The following DNAH14 variants were observed in gnomAD, a reference collection of about 807,000 sequenced individuals.
DNAH14 encodes the protein axonemal beta dynein heavy chain 14.
A neutral mutation model predicts 520.9 loss-of-function variants in DNAH14; 478 were observed. The ratio of observed to expected loss-of-function variants is 0.92; its 90% CI spans 0.85 to 0.99. The LOEUF (loss-of-function observed/expected upper bound fraction) is 0.99, where lower values mean the gene tolerates loss of function less well. DNAH14 is among the 50% of genes least tolerant of loss of function. DNAH14 has a pLI of 0.00. For missense variants in DNAH14, 4,831 were observed against 5,234.5 expected, an observed-to-expected ratio of 0.92 and a Z score of 2.38; for synonymous variants, 1,581 against 1,757.2, an observed-to-expected ratio of 0.90 and a Z score of 2.51.
At chr1:225,227,856 C>T (rs2090694647) in intron 41 of DNAH14, among the ~76,000 whole-genome samples, 2 of 152,138 alleles carry the variant, frequency 1.3e-5, no homozygotes, top group Admixed American at 1.3e-4. Context: ...GCCTGATTTG[C>T]ACTACCCATC....
At chr1:225,146,921 T>G (rs2149061343) in intron 30 of DNAH14, among the ~76,000 whole-genome samples, 183 bp from the exon 31 acceptor site, 1 of 152,326 alleles carries the variant, frequency 6.6e-6, no homozygotes, top group East Asian at 1.9e-4. Flanking sequence ...GCAGAGTAGT[T>G]GACTTGTCTA....
Position 225,140,717 on chromosome 1 carries a change from T to A in DNAH14, c.4255-51T>A, listed in dbSNP as rs2079368814. The stretch of plus-strand genomic sequence containing the variant: ...AATTTGAATAAAATTTATGCTTCAA[T>A]TATATATATATAGAGAGAGATATAT... On this transcript the variant is annotated intron_variant, in intron 27 of 85. Transcript: ENST00000682510. The A allele has an allele frequency of 5.6e-6, 7 of 1,249,818 alleles. No homozygotes were observed. The South Asian group carries it at 1.1e-4, about 20-fold the overall frequency. 77.4% of individuals were successfully genotyped at this position (1,249,818 alleles called of 1,614,324 possible).
intron 27 of DNAH14, among the ~76,000 whole-genome samples, chr1:225,130,177 T>C (rs1428968188): frequency 1.3e-5 from 2 of 152,150 alleles, no homozygotes; most frequent in Non-Finnish European, 2.9e-5. Context: ...CAACAGGTGC[T>C]AGAGAGGATG....
At chr1:225,178,585 C>T (rs2083601141) in intron 36 of DNAH14, among the ~76,000 whole-genome samples, 1 of 152,100 alleles carries the variant, frequency 6.6e-6, no homozygotes, top group Admixed American at 6.5e-5. Flanking sequence ...ATGCCTGTAC[C>T]CCCATTTATA....
intron 15 of DNAH14, among the ~76,000 whole-genome samples, chr1:225,048,594 A>G (rs2068183500): frequency 6.6e-6 from 1 of 152,224 alleles, no homozygotes; most frequent in Non-Finnish European, 1.5e-5. Context: ...GTTTGGATGT[A>G]TCGCAGATTG....
At chr1:225,245,681 C>G (rs944892595) in intron 43 of DNAH14, among the ~76,000 whole-genome samples, 1 of 152,016 alleles carries the variant, frequency 6.6e-6, no homozygotes, top group African/African-American at 2.4e-5. Flanking sequence ...ACGTGAAGGA[C>G]CTCTTCAAGG....
intron 66 of DNAH14, 76 bp from the exon 67 acceptor site, chr1:225,337,190 C>A: frequency 8.4e-7 from 1 of 1,188,194 alleles, no homozygotes; most frequent in Non-Finnish European, 1.2e-6. Context: ...TCTGTAGGAT[C>A]TTTTAGTACC....
intron 42 of DNAH14, among the ~76,000 whole-genome samples, chr1:225,235,178 G>A (rs1054738221): frequency 7.2e-5 from 11 of 152,086 alleles, no homozygotes; most frequent in African/African-American, 2.7e-4. Flanking sequence ...ATTGGCTGTG[G>A]GTTTGTTATA....
intron 17 of DNAH14, among the ~76,000 whole-genome samples, chr1:225,064,968 G>A (rs1172761999): frequency 6.6e-6 from 1 of 151,936 alleles, no homozygotes; most frequent in Non-Finnish European, 1.5e-5. Flanking sequence ...CTATTTGAAG[G>A]AAGGTATTAA....
chr1:224,967,326 T>C, intron 5 of DNAH14, 105 bp from the exon 6 acceptor site: 1 of 693,982 alleles, frequency 1.4e-6, no homozygotes, highest in Non-Finnish European at 2.1e-6. Context: ...TTAATCTGTA[T>C]TAAAATTGTT....
rs753646518 is a variant in DNAH14, at chr1:225,043,969, T to C, written c.1898T>C (p.Met633Thr). Residue 633 changes from methionine to threonine, a missense_variant, in exon 15 of 86, where the codon ATG becomes ACG. Transcript: ENST00000682510. ...SVKIQNMLTN[M>T]EKCITTITPL... The stretch of plus-strand genomic sequence containing the variant: ...AAAATTCAAAATATGTTGACTAATA[T>C]GGAAAAATGTATAAGTAAGTGTTTT... The C allele has an allele frequency of 1.5e-5, 22 of 1,487,274 alleles. No homozygotes were observed. The highest frequency in any genetic ancestry group is 1.7e-4 in the Middle Eastern group (1 of 5,856). The allele number at this position is 1,487,274 out of a possible 1,614,324, so 92.1% of individuals were successfully genotyped here.
intron 8 of DNAH14, among the ~76,000 whole-genome samples, chr1:225,000,480 C>G (rs776574235): frequency 6.6e-6 from 1 of 150,794 alleles, no homozygotes; most frequent in South Asian, 2.1e-4. Flanking sequence ...TTTTTTTAGC[C>G]CTGTCTTCTT....
intron 44 of DNAH14, among the ~76,000 whole-genome samples, chr1:225,256,360 G>A (rs1012758196): frequency 2.6e-5 from 4 of 152,224 alleles, no homozygotes; most frequent in East Asian, 3.9e-4. Flanking sequence ...GTAGAAAACC[G>A]GAAGTAAACA....
intron 10 of DNAH14, among the ~76,000 whole-genome samples, chr1:225,018,683 T>C (rs1371419299): frequency 1.3e-5 from 2 of 152,230 alleles, no homozygotes; most frequent in African/African-American, 4.8e-5. Flanking sequence ...AGGGAACCCC[T>C]TCTGGCTAAC....
chr1:225,035,301 CTCTCTG>C (rs1284999165), intron 11 of DNAH14, among the ~76,000 whole-genome samples: 1 of 16,360 alleles, frequency 6.1e-5, no homozygotes, highest in Non-Finnish European at 8.6e-4. Context: ...GGTGTTTGCT[CTCTCTG>C]TTTTTTTAGT....
intron 23 of DNAH14, among the ~76,000 whole-genome samples, chr1:225,110,610 T>A (rs1439476952): frequency 6.6e-6 from 1 of 151,856 alleles, no homozygotes; most frequent in Non-Finnish European, 1.5e-5. Context: ...TTTCTTTATG[T>A]TTTTTTCTAA....
At chr1:225,324,374 A>G (rs1052394391) in intron 63 of DNAH14, 21 bp downstream of exon 63, 4 of 1,547,164 alleles carry the variant, frequency 2.6e-6, no homozygotes, top group Non-Finnish European at 3.5e-6. Flanking sequence ...CCTCCTAAAC[A>G]TCTGTCATGA....
intron 60 of DNAH14, among the ~76,000 whole-genome samples, chr1:225,317,477 G>A (rs2094487765): frequency 6.6e-6 from 1 of 151,500 alleles, no homozygotes; most frequent in Admixed American, 6.6e-5. Context: ...TCTAAAATAA[G>A]GCACCTCTCA....
At chr1:225,380,853 G>A (rs1380498792) in intron 80 of DNAH14, among the ~76,000 whole-genome samples, 1 of 152,150 alleles carries the variant, frequency 6.6e-6, no homozygotes, top group African/African-American at 2.4e-5. Context: ...CTTTGCAGAA[G>A]TTTATTTGGG....
Sources: gnomAD v4.1 joint callset for allele counts (sites outside exome capture counted in the v4.1 genomes callset) on GRCh38, gnomAD v4.1.1 for gene constraint, MANE v1.5 for transcripts, NCBI Gene and HGNC (gene_info 2026-07-23, HGNC 2026-07-21) for gene names.